NEGR1: variants seen among roughly 807,000 people sequenced by gnomAD.
NEGR1 encodes IgLON family member 4.
Under a neutral mutation model 40.9 loss-of-function variants are expected in NEGR1, and 10 were observed. That is an observed-to-expected ratio of 0.24 (90% CI 0.15 to 0.42). The LOEUF (loss-of-function observed/expected upper bound fraction) is 0.42. Ranked by LOEUF, NEGR1 falls within the 10% of genes least tolerant of loss-of-function variation. The probability of loss-of-function intolerance (pLI) is 1.00; values close to 1 mark genes in which losing one functional copy is unlikely to be tolerated. For synonymous variants in NEGR1, 185 were observed against 166.8 expected (o/e 1.11, Z -0.84); for missense variants, 352 against 438.9 (o/e 0.80, Z 1.77).
chr1:71,459,655 C>T (rs1354155819), intron 6 of NEGR1, among the ~76,000 whole-genome samples: 1 of 152,160 alleles, frequency 6.6e-6, no homozygotes, highest in African/African-American at 2.4e-5. Flanking sequence ...AAGTTCAAAT[C>T]CTGCCCATCC....
rs558943912 is a variant in NEGR1 at position 71,756,412 on chromosome 1, A to C, written c.535+19760T>G. Reference sequence around the variant, plus strand: ...AAAAAAACAAAAAACAAAAACAAACAAAAAAAAAAAACCAAAAAAAACCAC... The same window carrying C: ...AAAAAAACAAAAAACAAAAACAAACCAAAAAAAAAAACCAAAAAAAACCAC... On this transcript the variant is annotated intron_variant, in intron 3 of 6. Coordinates refer to ENST00000357731, the MANE Select transcript of NEGR1 (RefSeq NM_173808.3). Among the ~76,000 whole-genome samples, 200 of 92,334 alleles carry C rather than the reference A, an allele frequency of 2.2e-3. 1 individual carries two copies. Among genetic ancestry groups the C allele is most frequent in the African/African-American group, 0.014 (189 of 13,670 alleles). 60.6% of individuals were successfully genotyped at this position (92,334 alleles called of 152,430 possible). A position where few individuals can be genotyped will look rare whatever the true frequency, so the allele number is the denominator to read the frequency against.
At chr1:71,412,233 G>C (rs1026760240) in intron 6 of NEGR1, among the ~76,000 whole-genome samples, 4 of 152,104 alleles carry the variant, frequency 2.6e-5, no homozygotes, top group Non-Finnish European at 5.9e-5. Flanking sequence ...AGCACATAGA[G>C]TGTTTCATTA....
intron 6 of NEGR1, 51 bp from the exon 7 acceptor site, chr1:71,407,621 G>A: frequency 1.3e-6 from 2 of 1,588,428 alleles, no homozygotes; most frequent in Non-Finnish European, 8.6e-7. Context: ...TGTCTTCCAG[G>A]ATCTTGACAA....
intron 4 of NEGR1, among the ~76,000 whole-genome samples, chr1:71,694,855 T>G (rs1332300548): frequency 1.3e-5 from 2 of 151,780 alleles, no homozygotes; most frequent in Non-Finnish European, 3.0e-5. Flanking sequence ...ATGAAGCTAC[T>G]GTAATTCTAT....
At chr1:71,742,999 G>A (rs1319333802) in intron 3 of NEGR1, among the ~76,000 whole-genome samples, 1 of 152,046 alleles carries the variant, frequency 6.6e-6, no homozygotes, top group Admixed American at 6.6e-5. Context: ...CACAAGAGAG[G>A]TTATCTCTCT....
At chr1:71,717,674 C>G (rs1487901591) in intron 3 of NEGR1, among the ~76,000 whole-genome samples, 1 of 152,152 alleles carries the variant, frequency 6.6e-6, no homozygotes, top group Non-Finnish European at 1.5e-5. Context: ...GTTGTGGACT[C>G]AGTTGTGTAC....
At chr1:71,689,342 T>A (rs760806476) in intron 4 of NEGR1, among the ~76,000 whole-genome samples, 2 of 152,106 alleles carry the variant, frequency 1.3e-5, no homozygotes, top group Non-Finnish European at 2.9e-5. Flanking sequence ...AACATCAGAA[T>A]GTCAGGAGTA....
In NEGR1 at chr1:72,248,344, G is replaced by A. The variant is rs141301496; in HGVS notation, c.176+33975C>T. Among the ~76,000 whole-genome samples, 1,089 of 152,034 alleles carry A rather than the reference G, an allele frequency of 7.2e-3. 7 individuals are homozygous for A. The highest frequency in any genetic ancestry group is 0.011 in the Admixed American group (162 of 15,264). ...ATGATCTCAGCACACTGCAACCTCC[G>A]CCTTCCGGGTTCAAGCAATTCTCCT... On this transcript the variant is annotated intron_variant, in intron 1 of 6. Transcript: ENST00000357731.
At chr1:71,642,173 C>T (rs1242769678) in intron 4 of NEGR1, among the ~76,000 whole-genome samples, 5 of 151,962 alleles carry the variant, frequency 3.3e-5, no homozygotes, top group Non-Finnish European at 7.4e-5. Context: ...GTTGGCAGGG[C>T]TGTGCCTCTC....
chr1:72,267,581 T>C (rs1241724338), intron 1 of NEGR1, among the ~76,000 whole-genome samples: 1 of 151,412 alleles, frequency 6.6e-6, no homozygotes, highest in East Asian at 1.9e-4. Context: ...CACCAATTAT[T>C]GAAATTGCTA....
chr1:71,597,432 G>GTC (rs1158039041), intron 5 of NEGR1, among the ~76,000 whole-genome samples: 41 of 60,744 alleles, frequency 6.7e-4, no homozygotes, highest in East Asian at 6.3e-3. Flanking sequence ...ATATATATAT[G>GTC]TCTCTCTCTC....
At chr1:71,747,903 A>G (rs1473389361) in intron 3 of NEGR1, among the ~76,000 whole-genome samples, 2 of 151,980 alleles carry the variant, frequency 1.3e-5, no homozygotes, top group African/African-American at 2.4e-5. Flanking sequence ...AGGGAAAAAA[A>G]TAGAGTTAGA....
intron 1 of NEGR1, among the ~76,000 whole-genome samples, chr1:72,219,653 T>C (rs533426650): frequency 2.6e-5 from 4 of 152,036 alleles, no homozygotes; most frequent in Non-Finnish European, 5.9e-5. Flanking sequence ...CCAAACACCA[T>C]ACATGTACAA....
chr1:71,636,891 T>A lies in NEGR1; in HGVS notation c.668-25745A>T, dbSNP rs1222514127. ...CATACCCAAGGTACTGTTTTGATAA[T>A]ATTAATAGTAGCCCAATACTTTGAA... On this transcript the variant is annotated intron_variant, in intron 4 of 6. Coordinates refer to ENST00000357731, the MANE Select transcript of NEGR1 (RefSeq NM_173808.3). Among the ~76,000 whole-genome samples, 4 of 152,042 alleles carry A rather than the reference T, an allele frequency of 2.6e-5. No homozygotes were observed. The East Asian group carries it at 7.7e-4, about 29-fold the overall frequency.
At chr1:72,008,009 C>T (rs1646623221) in intron 1 of NEGR1, among the ~76,000 whole-genome samples, 1 of 152,006 alleles carries the variant, frequency 6.6e-6, no homozygotes, top group Non-Finnish European at 1.5e-5. Flanking sequence ...AAAAGTTATC[C>T]TGTGTGTCTA....
At chr1:71,591,940 T>A (rs1283564349) in intron 6 of NEGR1, among the ~76,000 whole-genome samples, 2 of 152,074 alleles carry the variant, frequency 1.3e-5, no homozygotes, top group Non-Finnish European at 2.9e-5. Flanking sequence ...TAGCTTACTA[T>A]AACAAGATCG....
intron 4 of NEGR1, among the ~76,000 whole-genome samples, chr1:71,659,792 G>T (rs574318871): frequency 3.9e-5 from 6 of 152,228 alleles, no homozygotes; most frequent in South Asian, 4.1e-4. Context: ...TCTCAAACCA[G>T]TCAGATGGCT....
At chr1:71,593,956 C>T (rs1649595804) in intron 5 of NEGR1, among the ~76,000 whole-genome samples, 1 of 152,136 alleles carries the variant, frequency 6.6e-6, no homozygotes, top group African/African-American at 2.4e-5. Flanking sequence ...AAAGCAAATA[C>T]ATTGAATTGT....
chr1:71,860,845 T>C (rs1013721672), intron 2 of NEGR1, among the ~76,000 whole-genome samples: 1 of 152,002 alleles, frequency 6.6e-6, no homozygotes, highest in Non-Finnish European at 1.5e-5. Flanking sequence ...ATTTCTGTGG[T>C]TGGGAATAGT....
Sources: allele counts gnomAD v4.1 joint callset (sites outside exome capture counted in the v4.1 genomes callset), GRCh38; gene constraint gnomAD v4.1.1; transcripts MANE v1.5; gene names NCBI Gene and HGNC (gene_info 2026-07-23, HGNC 2026-07-21).